Variants in CELF4 observed in about 807,000 individuals in gnomAD.
The protein encoded by CELF4 is CUG-BP- and ETR-3-like factor 4.
CELF4 carries 18 observed loss-of-function variants against 59.9 expected under a neutral mutation model. The observed-to-expected ratio is 0.30, with a 90% CI of 0.21 to 0.45. The LOEUF (loss-of-function observed/expected upper bound fraction) is 0.45. CELF4 is among the 20% of genes least tolerant of loss of function. The probability of loss-of-function intolerance (pLI) is 1.00; values close to 1 mark genes in which losing one functional copy is unlikely to be tolerated. For synonymous variants in CELF4, 261 were observed against 267.1 expected (o/e 0.98, Z 0.22); for missense variants, 456 against 689.0 (o/e 0.66, Z 3.79).
At chr18:37,383,164 G>T (rs1464776208) in intron 2 of CELF4, among the ~76,000 whole-genome samples, 1 of 152,158 alleles carries the variant, frequency 6.6e-6, no homozygotes, top group Non-Finnish European at 1.5e-5. Flanking sequence ...ATTACTTATA[G>T]GCATGAGCCA....
intron 2 of CELF4, among the ~76,000 whole-genome samples, chr18:37,419,986 T>C (rs2099566892): frequency 6.6e-6 from 1 of 152,204 alleles, no homozygotes. Flanking sequence ...CTACATCTAG[T>C]CATCATGTGA....
At chr18:37,492,627 C>T (rs1417618466) in intron 1 of CELF4, among the ~76,000 whole-genome samples, 1 of 152,154 alleles carries the variant, frequency 6.6e-6, no homozygotes, top group East Asian at 1.9e-4. Flanking sequence ...CAGAGCAGCT[C>T]ATCATGTACA....
intron 2 of CELF4, among the ~76,000 whole-genome samples, chr18:37,348,712 CG>C (rs1208358590): frequency 1.3e-5 from 2 of 152,094 alleles, no homozygotes; most frequent in Non-Finnish European, 2.9e-5. Flanking sequence ...CAAAACCCAT[CG>C]GGGGTCATTC....
At chr18:37,485,648 C>A in intron 1 of CELF4, 41 bp from the exon 2 acceptor site, 1 of 1,300,536 alleles carries the variant, frequency 7.7e-7, no homozygotes, top group Non-Finnish European at 1.0e-6. Flanking sequence ...CAGTGGGGCG[C>A]CCCCGGGCCC....
At chr18:37,546,650 A>G (rs547469768) in intron 1 of CELF4, among the ~76,000 whole-genome samples, 2 of 152,288 alleles carry the variant, frequency 1.3e-5, no homozygotes, top group South Asian at 4.2e-4. Flanking sequence ...AACAGCGTAG[A>G]AAACACAGCT....
At chr18:37,480,875 G>A (rs1323767645) in intron 2 of CELF4, among the ~76,000 whole-genome samples, 1 of 152,188 alleles carries the variant, frequency 6.6e-6, no homozygotes, top group Non-Finnish European at 1.5e-5. Flanking sequence ...AAGAAAGAAA[G>A]GAGGAGGAAA....
In CELF4 at chr18:37,483,976, C is replaced by T. The variant is rs891061450; in HGVS notation, c.369+1549G>A. 2.0e-5 allele frequency among the ~76,000 whole-genome samples: 3 copies of T among 152,288 alleles called. No homozygotes were observed. In the South Asian group the frequency reaches 6.2e-4, roughly 32 times the overall value. ...TTAGATCCTCAACAATCCACACTTGCTACTGAAATACTCCCAATTCCCAGC... is the reference window on the plus strand; with the variant it reads ...TTAGATCCTCAACAATCCACACTTGTTACTGAAATACTCCCAATTCCCAGC... On this transcript the variant is annotated intron_variant, in intron 2 of 12. Coordinates refer to ENST00000420428, the MANE Select transcript of CELF4 (RefSeq NM_020180.4).
At chr18:37,263,398 G>A (rs1034937551) in intron 10 of CELF4, among the ~76,000 whole-genome samples, 8 of 152,236 alleles carry the variant, frequency 5.3e-5, no homozygotes, top group Admixed American at 3.3e-4. Flanking sequence ...GAGGGCTCCA[G>A]GACACTATGC....
intron 2 of CELF4, among the ~76,000 whole-genome samples, chr18:37,408,774 C>G (rs2099410439): frequency 6.6e-6 from 1 of 152,162 alleles, no homozygotes; most frequent in South Asian, 2.1e-4. Context: ...ACGGGCTTCT[C>G]TTTTTGGTCC....
intron 3 of CELF4, among the ~76,000 whole-genome samples, chr18:37,314,419 C>T (rs576971258): frequency 5.9e-5 from 9 of 152,112 alleles, no homozygotes; most frequent in South Asian, 2.1e-4. Context: ...AGCACCACTG[C>T]GCTCCAGCCT....
At chr18:37,532,248 C>G (rs890315844) in intron 1 of CELF4, among the ~76,000 whole-genome samples, 3 of 152,246 alleles carry the variant, frequency 2.0e-5, no homozygotes, top group Non-Finnish European at 4.4e-5. Context: ...CTCCCCAAGT[C>G]AGCCCCTCAG....
intron 2 of CELF4, among the ~76,000 whole-genome samples, chr18:37,410,551 C>A (rs748819214): frequency 1.3e-5 from 2 of 152,260 alleles, no homozygotes; most frequent in African/African-American, 4.8e-5. Flanking sequence ...TCCCTGCACA[C>A]GCTGTGCCAG....
At chr18:37,448,934 A>G (rs1458337691) in intron 2 of CELF4, among the ~76,000 whole-genome samples, 1 of 152,202 alleles carries the variant, frequency 6.6e-6, no homozygotes, top group Non-Finnish European at 1.5e-5. Context: ...GAGCCAGCTG[A>G]CTGTTTGATG....
At chr18:37,369,185 G>T (rs2098827241) in intron 2 of CELF4, among the ~76,000 whole-genome samples, 1 of 152,144 alleles carries the variant, frequency 6.6e-6, no homozygotes, top group African/African-American at 2.4e-5. Flanking sequence ...TCCACCATGG[G>T]GCTCCCAACA....
intron 2 of CELF4, among the ~76,000 whole-genome samples, chr18:37,376,007 A>C (rs1388668330): frequency 6.6e-6 from 1 of 152,110 alleles, no homozygotes; most frequent in Non-Finnish European, 1.5e-5. Flanking sequence ...GTGACCCGGG[A>C]CCAGATGTTA....
chr18:37,558,102 A>G (rs934324356), intron 1 of CELF4, among the ~76,000 whole-genome samples: 6 of 148,234 alleles, frequency 4.0e-5, no homozygotes, highest in African/African-American at 1.5e-4. Context: ...CCCAGGCTCA[A>G]GCGATACTCC....
intron 12 of CELF4, among the ~76,000 whole-genome samples, chr18:37,251,841 C>T (rs1003147011): frequency 1.3e-5 from 2 of 152,176 alleles, no homozygotes; most frequent in African/African-American, 4.8e-5. Context: ...ACACTGGGCC[C>T]AGTGCCTGGC....
intron 1 of CELF4, among the ~76,000 whole-genome samples, chr18:37,491,767 G>A (rs994604522): frequency 3.9e-5 from 6 of 152,168 alleles, no homozygotes; most frequent in African/African-American, 9.7e-5. Context: ...GCCCCTCTCC[G>A]ACATGGGCAG....
intron 2 of CELF4, among the ~76,000 whole-genome samples, chr18:37,379,408 T>C (rs375497218): frequency 5.3e-5 from 8 of 149,720 alleles, no homozygotes; most frequent in African/African-American, 2.0e-4. Context: ...GTGTTAATGA[T>C]GCTGGCTGCC....
Sources: gnomAD v4.1 joint callset for allele counts (sites outside exome capture counted in the v4.1 genomes callset) on GRCh38, gnomAD v4.1.1 for gene constraint, MANE v1.5 for transcripts, NCBI Gene and HGNC (gene_info 2026-07-23, HGNC 2026-07-21) for gene names.